SDK1: variants seen among roughly 807,000 people sequenced by gnomAD.
SDK1 encodes the protein protein sidekick-1.
In SDK1, 157 loss-of-function variants were observed where a neutral mutation model predicts 245.5. That is an observed-to-expected ratio of 0.64 (90% confidence interval 0.56 to 0.73). The LOEUF (loss-of-function observed/expected upper bound fraction) is 0.73, where lower values mean the gene tolerates loss of function less well. Among genes scored for constraint, SDK1 ranks in the 30% least tolerant of loss-of-function variants. The pLI is 0.00. For missense variants in SDK1, 3,583 were observed against 3,002.3 expected (o/e 1.19, Z -4.52); for synonymous variants, 1,647 against 1,278.5 (o/e 1.29, Z -6.15).
In SDK1 at chr7:3,301,277, GGGCGGCGGCGGC is replaced by G. The variant is rs540876108; in HGVS notation, c.-303_-292del. The stretch of plus-strand genomic sequence containing the variant: ...GCACTTTCTTCTCAGCGCCGGGCGG[GGGCGGCGGCGGC>G]GGCGGCTCCTCCGCGCCCGGCGGAC... On this transcript the variant is annotated 5_prime_UTR_variant, in exon 1 of 45. Coordinates refer to ENST00000404826, the MANE Select transcript of SDK1 (RefSeq NM_152744.4). 6.9e-6 allele frequency among the ~76,000 whole-genome samples: 1 copy of G among 145,758 alleles called. No individual in the cohort carries two copies. Among genetic ancestry groups the G allele is most frequent in the South Asian group, 2.1e-4 (1 of 4,774 alleles).
chr7:3,633,660 G>A (rs1782369448), intron 2 of SDK1, among the ~76,000 whole-genome samples: 1 of 152,042 alleles, frequency 6.6e-6, no homozygotes, highest in African/African-American at 2.4e-5. Flanking sequence ...GTTTTGCTAT[G>A]ACCGTGGTGA....
rs369955609 is a variant in SDK1, at chr7:4,237,831, C to G, written c.6130+47C>G. 2.0e-4 allele frequency: 321 copies of G among 1,606,582 alleles called. 2 individuals are homozygous for G. The African/African-American group carries it at 3.9e-3, about 20-fold the overall frequency. ...CGCGTGTCCCACGATGCCACTCAGC[C>G]AAAACATAGCGTTCGTTCTCTCGTG... is the stretch of plus-strand genomic sequence containing the variant. On this transcript the variant is annotated intron_variant, in intron 42 of 44. Coordinates refer to ENST00000404826, the MANE Select transcript of SDK1 (RefSeq NM_152744.4).
intron 14 of SDK1, among the ~76,000 whole-genome samples, chr7:3,988,065 C>T (rs996038356): frequency 1.3e-5 from 2 of 151,398 alleles, no homozygotes; most frequent in African/African-American, 4.8e-5. Flanking sequence ...AGCAACTTGA[C>T]ATCTGTATCG....
chr7:3,843,631 C>T (rs758965713), intron 5 of SDK1, among the ~76,000 whole-genome samples: 77 of 152,160 alleles, frequency 5.1e-4, no homozygotes, highest in Non-Finnish European at 1.0e-3. Flanking sequence ...ATTGTGGGCA[C>T]TCAGACATTG....
At chr7:4,183,681 C>A (rs185922747) in intron 35 of SDK1, among the ~76,000 whole-genome samples, 238 of 151,970 alleles carry the variant, frequency 1.6e-3, no homozygotes, top group Non-Finnish European at 2.2e-3. Context: ...TATATTTTAG[C>A]CGAGTTCAGG....
At chr7:3,348,124 T>C (rs941937875) in intron 1 of SDK1, among the ~76,000 whole-genome samples, 2 of 152,180 alleles carry the variant, frequency 1.3e-5, no homozygotes, top group Non-Finnish European at 2.9e-5. Context: ...GGGGACGATG[T>C]TTACATCACA....
intron 4 of SDK1, among the ~76,000 whole-genome samples, chr7:3,739,242 GCTTTA>G (rs1779407817): frequency 6.6e-6 from 1 of 152,054 alleles, no homozygotes; most frequent in Non-Finnish European, 1.5e-5. Flanking sequence ...CCATTTAACA[GCTTTA>G]CTTTTATGTA....
chr7:3,723,765 C>CATATACACGTGT lies in SDK1; in HGVS notation c.713+81671_713+81682dup, dbSNP rs1239485570. Among the ~76,000 whole-genome samples, 37 of 149,066 alleles carry CATATACACGTGT rather than the reference C, an allele frequency of 2.5e-4. 1 individual carries two copies. Among genetic ancestry groups the CATATACACGTGT allele is most frequent in the African/African-American group, 8.4e-4 (34 of 40,314 alleles). Reference sequence around the variant, plus strand: ...ACACGTGTATATACACGTACATATACATATACACGTGTATATACACGTACT... The same window carrying CATATACACGTGT: ...ACACGTGTATATACACGTACATATACATATACACGTGTATATACACGTGTATATACACGTACT... On this transcript the variant is annotated intron_variant, in intron 4 of 44. Transcript: ENST00000404826.
intron 38 of SDK1, 60 bp downstream of exon 38, chr7:4,210,222 G>A (rs1271114710): frequency 7.1e-6 from 10 of 1,405,074 alleles, no homozygotes; most frequent in Non-Finnish European, 9.3e-6. Context: ...GCCCTCTGCA[G>A]TCTACACAGT....
chr7:3,323,056 C>G (rs1191698803), intron 1 of SDK1, among the ~76,000 whole-genome samples: 1 of 152,252 alleles, frequency 6.6e-6, no homozygotes, highest in Admixed American at 6.5e-5. Context: ...CCCATCTCGG[C>G]CTCCTAGAGT....
At chr7:4,261,622 G>A (rs1248630796) in intron 44 of SDK1, among the ~76,000 whole-genome samples, 3 of 152,122 alleles carry the variant, frequency 2.0e-5, no homozygotes, top group South Asian at 2.1e-4. Context: ...CCCGGCCTCC[G>A]ACAGACCCAC....
chr7:3,835,073 G>A (rs962138474), intron 5 of SDK1, among the ~76,000 whole-genome samples: 4 of 152,058 alleles, frequency 2.6e-5, no homozygotes, highest in Non-Finnish European at 5.9e-5. Context: ...CAAGACTCTT[G>A]AGACTTCACA....
At chr7:4,091,329 C>CTTTTCTTTTCTT (rs66906578) in intron 22 of SDK1, among the ~76,000 whole-genome samples, 7,805 of 118,062 alleles carry the variant, frequency 0.066, 331 homozygotes, top group South Asian at 0.12. Context: ...ATTTTCTTTT[C>CTTTTCTTTTCTT]TTTTCTTTTT....
chr7:3,841,137 G>A (rs557373829), intron 5 of SDK1, among the ~76,000 whole-genome samples: 3 of 152,266 alleles, frequency 2.0e-5, no homozygotes, highest in Middle Eastern at 3.4e-3. Context: ...GTGAGCTGAC[G>A]GTGCCTTGCC....
intron 32 of SDK1, among the ~76,000 whole-genome samples, chr7:4,163,523 G>A (rs889958892): frequency 2.6e-5 from 4 of 152,344 alleles, no homozygotes; most frequent in East Asian, 3.9e-4. Context: ...AAGGCCACCA[G>A]TAGGTGTCCC....
chr7:3,333,302 G>T (rs535642779), intron 1 of SDK1, among the ~76,000 whole-genome samples: 1 of 152,166 alleles, frequency 6.6e-6, no homozygotes, highest in Non-Finnish European at 1.5e-5. Context: ...ACATTCTAGG[G>T]AGGTCACTGG....
chr7:3,831,202 C>T (rs766779528), intron 5 of SDK1, among the ~76,000 whole-genome samples: 10 of 152,154 alleles, frequency 6.6e-5, no homozygotes, highest in Non-Finnish European at 1.3e-4. Flanking sequence ...GAGATGAGAC[C>T]ACATAGAACA....
rs538715974 is a variant in SDK1, at chr7:3,945,681, C to T, written c.848-5242C>T. Among the ~76,000 whole-genome samples the T allele has an allele frequency of 7.9e-5, 12 of 151,882 alleles. No individual in the cohort carries two copies. The South Asian group carries it at 1.7e-3, about 21-fold the overall frequency. Reference sequence around the variant, plus strand: ...GAGGCCAAGGCAGGCGGATCACAAACGAGGTCAGGAGATCGAGACCATCCT... The same window carrying T: ...GAGGCCAAGGCAGGCGGATCACAAATGAGGTCAGGAGATCGAGACCATCCT... On this transcript the variant is annotated intron_variant, in intron 5 of 44. Coordinates refer to ENST00000404826, the MANE Select transcript of SDK1 (RefSeq NM_152744.4).
intron 4 of SDK1, among the ~76,000 whole-genome samples, chr7:3,722,914 G>T (rs892863008): frequency 6.6e-6 from 1 of 152,208 alleles, no homozygotes; most frequent in Non-Finnish European, 1.5e-5. Flanking sequence ...AGGAGAGCCA[G>T]CCTGAATCCT....
Sources: gnomAD v4.1 joint callset for allele counts (sites outside exome capture counted in the v4.1 genomes callset) on GRCh38, gnomAD v4.1.1 for gene constraint, MANE v1.5 for transcripts, NCBI Gene and HGNC (gene_info 2026-07-23, HGNC 2026-07-21) for gene names.